NRXN1: variants seen among roughly 807,000 people sequenced by gnomAD.
NRXN1 encodes the protein neurexin 1.
Under a neutral mutation model 150.9 loss-of-function variants are expected in NRXN1, and 39 were observed. The ratio of observed to expected loss-of-function variants is 0.26; its 90% CI spans 0.20 to 0.34. NRXN1 has a LOEUF of 0.34. NRXN1 is among the 10% of genes least tolerant of loss of function. NRXN1 has a pLI of 1.00. For synonymous variants in NRXN1, 924 were observed against 757.0 expected (o/e 1.22, Z -3.62); for missense variants, 1,815 against 1,949.9 (o/e 0.93, Z 1.30).
At chr2:50,722,003 A>G (rs548701251) in intron 5 of NRXN1, among the ~76,000 whole-genome samples, 5 of 152,252 alleles carry the variant, frequency 3.3e-5, no homozygotes, top group African/African-American at 4.8e-5. Context: ...CTGAGAAGAG[A>G]AAAATGTCTG....
At position 50,961,909 on chromosome 2, in the gene NRXN1, C is replaced by T. The variant is rs79850282; in HGVS notation, c.773-35954G>A. On this transcript the variant is annotated intron_variant, in intron 2 of 22. Coordinates refer to ENST00000401669, the MANE Select transcript of NRXN1 (RefSeq NM_001330078.2). ...CATCTGTTATCTTAGAAAATCTAGA[C>T]GCTTTTCTATTAGCTATTACAACTG... Among the ~76,000 whole-genome samples, 1,231 of 151,070 alleles carry T rather than the reference C, an allele frequency of 8.1e-3. 41 individuals are homozygous for T. The highest frequency in any genetic ancestry group is 0.057 in the Admixed American group (858 of 15,116).
At chr2:49,929,665 G>A (rs1313717785) in intron 22 of NRXN1, among the ~76,000 whole-genome samples, 1 of 152,034 alleles carries the variant, frequency 6.6e-6, no homozygotes, top group East Asian at 1.9e-4. Context: ...TTTATCTCCT[G>A]CCTGTTTAAA....
intron 5 of NRXN1, among the ~76,000 whole-genome samples, chr2:50,846,480 CTG>C (rs1673675976): frequency 6.6e-6 from 1 of 151,958 alleles, no homozygotes; most frequent in Non-Finnish European, 1.5e-5. Context: ...GCTCATGCTA[CTG>C]TGTTTGTCTT....
chr2:49,970,942 G>T (rs1018279318), intron 21 of NRXN1, among the ~76,000 whole-genome samples: 1 of 152,026 alleles, frequency 6.6e-6, no homozygotes, highest in Non-Finnish European at 1.5e-5. Context: ...GGCACCACTT[G>T]ATCTAAGTAT....
chr2:50,416,215 G>A (rs1348296895), intron 17 of NRXN1, among the ~76,000 whole-genome samples: 1 of 152,066 alleles, frequency 6.6e-6, no homozygotes, highest in East Asian at 1.9e-4. Context: ...AGAGAGAATT[G>A]GAAGTGGTGG....
intron 18 of NRXN1, among the ~76,000 whole-genome samples, chr2:50,104,523 C>G (rs566580924): frequency 2.6e-5 from 4 of 151,998 alleles, no homozygotes; most frequent in African/African-American, 9.6e-5. Flanking sequence ...GTGGATATTC[C>G]AGAAGGGCAG....
Position 50,168,666 on chromosome 2 carries a change from A to G in NRXN1, c.3546+68123T>C, listed in dbSNP as rs551609189. On this transcript the variant is annotated intron_variant, in intron 18 of 22. Transcript: ENST00000401669. ...GGTTTTTTACTGGCAGGTTGACCGAATAATAGAAATTTCATGGCCAGAGGC... is the reference window on the plus strand; with the variant it reads ...GGTTTTTTACTGGCAGGTTGACCGAGTAATAGAAATTTCATGGCCAGAGGC... Among the ~76,000 whole-genome samples, 3 of 152,326 alleles carry G rather than the reference A, an allele frequency of 2.0e-5. No homozygotes were observed. In the East Asian group the frequency reaches 5.8e-4, roughly 29 times the overall value.
chr2:50,035,403 C>A (rs1032055759), intron 21 of NRXN1, among the ~76,000 whole-genome samples: 1 of 151,864 alleles, frequency 6.6e-6, no homozygotes, highest in Non-Finnish European at 1.5e-5. Context: ...TTTTAGATTG[C>A]AAAACAAACA....
chr2:50,728,599 C>T (rs187001287), intron 5 of NRXN1, among the ~76,000 whole-genome samples: 57 of 152,204 alleles, frequency 3.7e-4, no homozygotes, highest in Admixed American at 2.3e-3. Context: ...TACTGAATGT[C>T]CTTTTTGGAT....
chr2:50,779,089 T>C (rs755247312), intron 5 of NRXN1, among the ~76,000 whole-genome samples: 11 of 152,130 alleles, frequency 7.2e-5, no homozygotes, highest in Non-Finnish European at 1.6e-4. Flanking sequence ...GTGTGTTACC[T>C]AGGCATACTT....
At chr2:50,169,576 G>A (rs2059899315) in intron 18 of NRXN1, among the ~76,000 whole-genome samples, 1 of 151,946 alleles carries the variant, frequency 6.6e-6, no homozygotes, top group Non-Finnish European at 1.5e-5. Flanking sequence ...AGCTGGTCAT[G>A]GTAGTGGGCA....
intron 17 of NRXN1, among the ~76,000 whole-genome samples, chr2:50,238,252 T>C (rs1374756828): frequency 2.0e-5 from 3 of 151,982 alleles, no homozygotes; most frequent in African/African-American, 7.2e-5. Context: ...AGAAAAAAGA[T>C]TGGATTTTCC....
chr2:50,278,363 C>T (rs1333704088), intron 17 of NRXN1, among the ~76,000 whole-genome samples: 1 of 140,440 alleles, frequency 7.1e-6, no homozygotes, highest in Non-Finnish European at 1.5e-5. Flanking sequence ...CCATGTTAGC[C>T]AGGCTGGTGA....
intron 21 of NRXN1, among the ~76,000 whole-genome samples, chr2:50,044,901 C>A (rs116469974): frequency 0.016 from 2,363 of 152,244 alleles, 25 homozygotes; most frequent in Middle Eastern, 0.027. Flanking sequence ...AAAAAATACA[C>A]ACGTACATAC....
At chr2:50,322,359 C>G (rs772806784) in intron 17 of NRXN1, among the ~76,000 whole-genome samples, 3 of 152,174 alleles carry the variant, frequency 2.0e-5, no homozygotes, top group Non-Finnish European at 2.9e-5. Flanking sequence ...ATTTAATAAT[C>G]TGACCATCAA....
rs1348074353 is a variant in NRXN1, at chr2:51,027,894, G to C, written c.380C>G (p.Thr127Arg). The C allele has an allele frequency of 1.2e-6, 2 of 1,611,254 alleles. No individual in the cohort carries two copies. The highest frequency in any genetic ancestry group is 1.7e-6 in the Non-Finnish European group (2 of 1,179,714). The change falls in exon 2 of 23, where the codon ACG (threonine) becomes AGG (arginine). Residue 127 changes from threonine (T) to arginine (R), a missense_variant. By Grantham distance (71) the Thr-to-Arg change is moderately conservative (BLOSUM62 -1). Around this residue, in one of 6 missense-constraint regions of NRXN1, gnomAD observed 554 missense variants for 478.8 expected, o/e 1.16. Transcript: ENST00000401669. ...GGCCTCCACCTGGTCGATGAAGAGC[G>C]TGGTGTTGCGGAACTGGCGGCGGAT... ...VRIRRQFRNT[T>R]LFIDQVEAKW...
chr2:50,751,221 T>C (rs1180143238), intron 5 of NRXN1, among the ~76,000 whole-genome samples: 2 of 152,036 alleles, frequency 1.3e-5, no homozygotes, highest in African/African-American at 2.4e-5. Flanking sequence ...ACTGTTTTCA[T>C]AGCTTTGAAT....
intron 18 of NRXN1, among the ~76,000 whole-genome samples, chr2:50,229,418 C>T (rs1026114679): frequency 1.3e-5 from 2 of 151,892 alleles, no homozygotes; most frequent in African/African-American, 4.8e-5. Flanking sequence ...GGTTCTTAAC[C>T]CTCAAGCAAT....
intron 17 of NRXN1, among the ~76,000 whole-genome samples, chr2:50,385,114 T>C (rs564274145): frequency 2.3e-3 from 354 of 152,336 alleles, no homozygotes; most frequent in African/African-American, 8.2e-3. Flanking sequence ...CACTTTAGCG[T>C]TTAATCCAAA....
Sources: gnomAD v4.1 joint callset for allele counts (sites outside exome capture counted in the v4.1 genomes callset) on GRCh38, gnomAD v4.1.1 for gene constraint, gnomAD v4.1.1 regional missense constraint, MANE v1.5 for transcripts, NCBI Gene and HGNC (gene_info 2026-07-23, HGNC 2026-07-21) for gene names.